Variants in EFL1 observed in about 807,000 individuals in gnomAD.
EFL1 encodes elongation factor-like GTPase 1.
Under a neutral mutation model 126.7 loss-of-function variants are expected in EFL1, and 76 were observed. The observed-to-expected ratio is 0.60, with a 90% confidence interval of 0.50 to 0.73. The LOEUF is 0.73. Ranked by LOEUF, EFL1 falls within the 30% of genes least tolerant of loss-of-function variation. The pLI, the probability that EFL1 is intolerant of heterozygous loss-of-function variation, is 0.00. For missense variants in EFL1, 1,128 were observed against 1,343.2 expected, an observed-to-expected ratio of 0.84 and a Z score of 2.50; for synonymous variants, 410 against 448.4, an observed-to-expected ratio of 0.91 and a Z score of 1.08.
At chr15:82,156,822 C>A (rs2073973479) in intron 17 of EFL1, among the ~76,000 whole-genome samples, 1 of 152,120 alleles carries the variant, frequency 6.6e-6, no homozygotes, top group Non-Finnish European at 1.5e-5. Flanking sequence ...ATAATTTTTT[C>A]TACTAGTAAG....
intron 15 of EFL1, among the ~76,000 whole-genome samples, chr15:82,210,072 C>A (rs1349171410): frequency 1.3e-5 from 2 of 152,092 alleles, no homozygotes; most frequent in Non-Finnish European, 2.9e-5. Context: ...CAAAGTTTAA[C>A]AAAAGTAAAA....
chr15:82,140,965 T>C (rs960920745), intron 18 of EFL1, among the ~76,000 whole-genome samples: 1 of 152,216 alleles, frequency 6.6e-6, no homozygotes, highest in African/African-American at 2.4e-5. Flanking sequence ...GTCCCAAATA[T>C]GTTCCCCTGA....
intron 7 of EFL1, among the ~76,000 whole-genome samples, chr15:82,233,248 G>A (rs1377256725): frequency 6.6e-6 from 1 of 152,118 alleles, no homozygotes; most frequent in Non-Finnish European, 1.5e-5. Context: ...CGACATTACT[G>A]CTAGTGTTTT....
At chr15:82,131,278 TC>T (rs972125948) in intron 19 of EFL1, among the ~76,000 whole-genome samples, 1 of 152,114 alleles carries the variant, frequency 6.6e-6, no homozygotes, top group African/African-American at 2.4e-5. Flanking sequence ...GTAACTACAC[TC>T]TTATTATTAT....
chr15:82,261,012 T>C (rs1298553440), intron 2 of EFL1, among the ~76,000 whole-genome samples: 2 of 152,214 alleles, frequency 1.3e-5, no homozygotes, highest in African/African-American at 4.8e-5. Flanking sequence ...GTTAGCTATC[T>C]CTGCCTTTCC....
Position 82,229,093 on chromosome 15 carries a change from A to T in EFL1, c.873T>A (p.Pro291=), listed in dbSNP as rs775795353. The T allele has an allele frequency of 1.2e-6, 2 of 1,611,288 alleles. No homozygotes were observed. Among genetic ancestry groups the T allele is most frequent in the Non-Finnish European group, 1.7e-6 (2 of 1,179,472 alleles). ...MKGDQAKGKK[P]LFVQLILENI... ...TTTCCAGGATCAACTGTACAAATAAAGGTTTCTTTCCTTTGGCCTGTACAA... is the reference window on the plus strand; with the variant it reads ...TTTCCAGGATCAACTGTACAAATAATGGTTTCTTTCCTTTGGCCTGTACAA... Residue 291 remains proline, a synonymous_variant, in exon 9 of 20, where the codon CCT becomes CCA. Transcript: ENST00000268206.
chr15:82,220,096 T>C lies in EFL1; in HGVS notation c.1426A>G (p.Lys476Glu). The C allele has an allele frequency of 1.9e-6, 3 of 1,609,966 alleles. No homozygotes were observed. Among genetic ancestry groups the C allele is most frequent in the Non-Finnish European group, 2.5e-6 (3 of 1,178,796 alleles). ...GCTATACCTCTTGGCTCCTCTCCTT[T>C]TGGACATGTTTCAATGGCACTCCCA... The part of the protein sequence containing the change: ...QDGSAIETCP[K>E]GEEPRGDEQQ... Residue 476 changes from lysine to glutamate, a missense_variant, in exon 13 of 20, where the codon AAA becomes GAA. Coordinates refer to ENST00000268206, the MANE Select transcript of EFL1 (RefSeq NM_024580.6).
intron 15 of EFL1, among the ~76,000 whole-genome samples, chr15:82,206,897 T>C (rs762016585): frequency 1.3e-5 from 2 of 152,110 alleles, no homozygotes; most frequent in Non-Finnish European, 2.9e-5. Flanking sequence ...GCACCTAATA[T>C]AATGCTGATA....
chr15:82,134,709 T>C (rs2073701852), intron 19 of EFL1, among the ~76,000 whole-genome samples: 1 of 152,240 alleles, frequency 6.6e-6, no homozygotes, highest in South Asian at 2.1e-4. Context: ...CGATGAATCT[T>C]GAGGTTATGC....
chr15:82,253,881 A>G (rs1306545707), intron 3 of EFL1, among the ~76,000 whole-genome samples: 1 of 152,182 alleles, frequency 6.6e-6, no homozygotes, highest in Non-Finnish European at 1.5e-5. Context: ...CTTAGCCCTA[A>G]GCACCAGACT....
intron 19 of EFL1, among the ~76,000 whole-genome samples, chr15:82,133,627 T>C (rs1315789798): frequency 6.6e-6 from 1 of 152,216 alleles, no homozygotes; most frequent in East Asian, 1.9e-4. Context: ...TATTTTTTGG[T>C]AACTTCCTAT....
intron 15 of EFL1, among the ~76,000 whole-genome samples, chr15:82,214,061 T>C (rs896444166): frequency 6.6e-6 from 1 of 152,174 alleles, no homozygotes; most frequent in Non-Finnish European, 1.5e-5. Flanking sequence ...TAAATAGCTC[T>C]ATAGCTGACA....
chr15:82,238,182 C>A (rs544709183), intron 7 of EFL1, 125 bp downstream of exon 7: 7 of 1,039,014 alleles, frequency 6.7e-6, no homozygotes, highest in East Asian at 2.6e-5. Flanking sequence ...CACCAGAGAA[C>A]TCTCTGCATT....
intron 17 of EFL1, 60 bp from the exon 18 acceptor site, chr15:82,152,483 T>C: frequency 7.1e-7 from 1 of 1,408,978 alleles, no homozygotes; most frequent in Non-Finnish European, 9.6e-7. Context: ...TCAAAGCTCC[T>C]GTGTAGAAAT....
At chr15:82,246,392 G>A (rs2074973125) in intron 4 of EFL1, among the ~76,000 whole-genome samples, 1 of 152,096 alleles carries the variant, frequency 6.6e-6, no homozygotes, top group Admixed American at 6.6e-5. Context: ...GCATCACCCT[G>A]GAGAGAAGGT....
intron 5 of EFL1, among the ~76,000 whole-genome samples, chr15:82,241,025 G>C (rs1372722752): frequency 6.6e-6 from 1 of 152,194 alleles, no homozygotes; most frequent in Non-Finnish European, 1.5e-5. Flanking sequence ...ACTAAAGCCT[G>C]GGTGACAGAG....
chr15:82,192,770 G>A (rs2074372099), intron 15 of EFL1, among the ~76,000 whole-genome samples: 1 of 152,080 alleles, frequency 6.6e-6, no homozygotes, highest in African/African-American at 2.4e-5. Flanking sequence ...TTGACACCAC[G>A]TAAGCAAGAG....
rs572093309 is a variant in EFL1 at position 82,152,099 on chromosome 15, C to T, written c.2355G>A (p.Glu785=). The T allele has an allele frequency of 1.2e-6, 2 of 1,614,070 alleles. No individual in the cohort carries two copies. Among genetic ancestry groups the T allele is most frequent in the South Asian group, 1.1e-5 (1 of 91,074 alleles). Residue 785 remains glutamate, a synonymous_variant, in exon 18 of 20, where the codon GAG becomes GAA. Coordinates refer to ENST00000268206, the MANE Select transcript of EFL1 (RefSeq NM_024580.6). ...SMEQLTSSLN[E]GENTHMIHQK... ...GATGAATCATGTGAGTATTTTCACC[C>T]TCATTCAAAGAGGATGTCAACTGCT...
chr15:82,153,073 T>C (rs2073930910), intron 17 of EFL1, among the ~76,000 whole-genome samples: 1 of 152,230 alleles, frequency 6.6e-6, no homozygotes. Context: ...CACATATAGC[T>C]ACTAAGCATT....
Sources: allele counts gnomAD v4.1 joint callset (sites outside exome capture counted in the v4.1 genomes callset), GRCh38; gene constraint gnomAD v4.1.1; transcripts MANE v1.5; gene names NCBI Gene and HGNC (gene_info 2026-07-23, HGNC 2026-07-21).